Variants in PPP2R2C observed in about 807,000 individuals in gnomAD.
PPP2R2C encodes the protein protein phosphatase 2, regulatory subunit B, gamma.
A neutral mutation model predicts 45.3 loss-of-function variants in PPP2R2C; 10 were observed. The observed-to-expected ratio is 0.22, with a 90% CI of 0.14 to 0.37. PPP2R2C has a LOEUF of 0.37. Among genes scored for constraint, PPP2R2C ranks in the 10% least tolerant of loss-of-function variants. The probability of loss-of-function intolerance (pLI) is 1.00; values close to 1 mark genes in which losing one functional copy is unlikely to be tolerated. For missense variants in PPP2R2C, 308 were observed against 619.7 expected (o/e 0.50, Z 5.34); for synonymous variants, 257 against 245.4 (o/e 1.05, Z -0.44).
At chr4:6,503,575 C>G (rs1413799225) in intron 2 of PPP2R2C, among the ~76,000 whole-genome samples, 1 of 152,152 alleles carries the variant, frequency 6.6e-6, no homozygotes, top group East Asian at 1.9e-4. Context: ...TATTTACAGG[C>G]TCATGGGAGA....
intron 1 of PPP2R2C, among the ~76,000 whole-genome samples, chr4:6,388,992 G>T (rs919353123): frequency 6.6e-6 from 1 of 151,658 alleles, no homozygotes; most frequent in Non-Finnish European, 1.5e-5. Flanking sequence ...TCTTCTCCAC[G>T]TGCCACCTGG....
chr4:6,331,117 G>A lies in PPP2R2C; in HGVS notation c.961-1764C>T, dbSNP rs543006918. Among the ~76,000 whole-genome samples, 10 of 152,234 alleles carry A rather than the reference G, an allele frequency of 6.6e-5. No homozygotes were observed. The highest frequency in any genetic ancestry group is 6.2e-4 in the South Asian group (3 of 4,812). On this transcript the variant is annotated intron_variant, in intron 7 of 8. Coordinates refer to ENST00000382599, the MANE Select transcript of PPP2R2C (RefSeq NM_020416.4). This position sits in a 1 kb window ranked among gnomAD's most constrained non-coding sequence, Gnocchi z 5.9. ...GTTTTAGTGTTCGTGTCCCACCCCC[G>A]GCTCTGCATTTTTGTGTGTCCTCCT...
At chr4:6,493,752 T>C (rs949438086) in intron 2 of PPP2R2C, among the ~76,000 whole-genome samples, 1 of 152,036 alleles carries the variant, frequency 6.6e-6, no homozygotes, top group African/African-American at 2.4e-5. Context: ...TCCCAACAGT[T>C]CCCTGTCTTC....
chr4:6,326,011 T>C (rs1326798939), intron 8 of PPP2R2C, among the ~76,000 whole-genome samples: 1 of 152,228 alleles, frequency 6.6e-6, no homozygotes, highest in East Asian at 1.9e-4. Flanking sequence ...CTGCACTCCC[T>C]ATCCCTGTGA....
At position 6,563,570 on chromosome 4, in the gene PPP2R2C, T is replaced by C. The variant is rs1282809881; in HGVS notation, c.-69A>G. 6.6e-6 allele frequency: 1 copy of C among 150,818 alleles called. No individual in the cohort carries two copies. Among genetic ancestry groups the C allele is most frequent in the Non-Finnish European group, 1.5e-5 (1 of 67,558 alleles). 9.3% of individuals were successfully genotyped at this position (150,818 alleles called of 1,614,324 possible). A position where few individuals can be genotyped will look rare whatever the true frequency, so the allele number is the denominator to read the frequency against. On this transcript the variant is annotated 5_prime_UTR_variant, in exon 1 of 10. Transcript: ENST00000506140. This position sits in a 1 kb window ranked among gnomAD's most constrained non-coding sequence, Gnocchi z 5.8. ...GCAGCCCGCGCTTACCTTCGGAAAC[T>C]TCGAGGTCGGCGGCCCCATTGAGCT... is the stretch of plus-strand genomic sequence containing the variant.
At chr4:6,495,234 C>G (rs1448639904) in intron 2 of PPP2R2C, among the ~76,000 whole-genome samples, 2 of 152,228 alleles carry the variant, frequency 1.3e-5, no homozygotes, top group Non-Finnish European at 2.9e-5. Flanking sequence ...GTCTGCCACA[C>G]CTGGGTCCAC....
At chr4:6,379,422 C>G (rs1245586513) in intron 2 of PPP2R2C, among the ~76,000 whole-genome samples, 1 of 152,188 alleles carries the variant, frequency 6.6e-6, no homozygotes, top group Non-Finnish European at 1.5e-5. Flanking sequence ...TTTTAAGTAT[C>G]TATATTTCTA....
chr4:6,479,897 C>A (rs887954165), intron 2 of PPP2R2C, among the ~76,000 whole-genome samples: 2 of 151,924 alleles, frequency 1.3e-5, no homozygotes, highest in African/African-American at 4.8e-5. Context: ...TTTTTGTAGA[C>A]ACAGGGTCTC....
At chr4:6,427,016 C>T (rs192594936) in intron 1 of PPP2R2C, among the ~76,000 whole-genome samples, 17 of 152,314 alleles carry the variant, frequency 1.1e-4, no homozygotes, top group African/African-American at 3.6e-4. Context: ...CCACATACCA[C>T]GGAGGGCACA....
chr4:6,558,805 A>T (rs1386938666), intron 1 of PPP2R2C, among the ~76,000 whole-genome samples: 1 of 152,180 alleles, frequency 6.6e-6, no homozygotes, highest in East Asian at 1.9e-4. Context: ...AGACCCAGGA[A>T]AGGATTTCCA....
intron 5 of PPP2R2C, chr4:6,351,422 G>A: frequency 2.1e-6 from 2 of 954,982 alleles, no homozygotes; most frequent in African/African-American, 3.5e-5. Context: ...AGGGCCGGCT[G>A]AGGGGCACGG....
intron 1 of PPP2R2C, among the ~76,000 whole-genome samples, chr4:6,386,038 C>T (rs909813510): frequency 5.9e-5 from 9 of 152,210 alleles, no homozygotes; most frequent in African/African-American, 1.7e-4. Flanking sequence ...CCAGGCCCTG[C>T]TCTAAATGCT....
rs188690316 is a variant in PPP2R2C at position 6,423,484 on chromosome 4, A to G, written c.71-42390T>C. On this transcript the variant is annotated intron_variant, in intron 1 of 8. Transcript: ENST00000382599. ...CTCCCAAAGTGCTGGGATTATAGGC[A>G]TTAGCCACCACACCCGGCCCCCACT... 4.1e-3 allele frequency among the ~76,000 whole-genome samples: 626 copies of G among 152,334 alleles called. 5 individuals are homozygous for G. Among genetic ancestry groups the G allele is most frequent in the African/African-American group, 0.014 (583 of 41,570 alleles).
At chr4:6,441,337 C>T (rs1019048851) in intron 1 of PPP2R2C, among the ~76,000 whole-genome samples, 3 of 152,146 alleles carry the variant, frequency 2.0e-5, no homozygotes, top group Non-Finnish European at 2.9e-5. Context: ...ACTCTGGTCC[C>T]TCACTCCATG....
At position 6,563,289 on chromosome 4, in the gene PPP2R2C, AC is replaced by A. The variant is rs1181638580; in HGVS notation, c.-59+270del. On this transcript the variant is annotated intron_variant, in intron 1 of 9. Transcript: ENST00000506140. The surrounding 1 kb of genome is among the most constrained non-coding windows in gnomAD (Gnocchi z 5.8). ...GCCGGTTCTGTCGGGTTCCCTCAAG[AC>A]CCCGAGAGCACGCGCTCCGGAGGGA... is the stretch of plus-strand genomic sequence containing the variant. 7.9e-5 allele frequency among the ~76,000 whole-genome samples: 12 copies of A among 151,614 alleles called. No homozygotes were observed. The highest frequency in any genetic ancestry group is 1.5e-4 in the Non-Finnish European group (10 of 67,844).
At chr4:6,494,555 A>G (rs1384001538) in intron 2 of PPP2R2C, among the ~76,000 whole-genome samples, 1 of 152,220 alleles carries the variant, frequency 6.6e-6, no homozygotes, top group African/African-American at 2.4e-5. Context: ...CCAGATGCCC[A>G]GAATACAAGA....
chr4:6,511,777 GTAA>G (rs1397172529), intron 2 of PPP2R2C, among the ~76,000 whole-genome samples: 2 of 43,782 alleles, frequency 4.6e-5, no homozygotes, highest in African/African-American at 8.0e-5. Flanking sequence ...GGTGATGGTG[GTAA>G]TGGTGGTGGT....
intron 1 of PPP2R2C, among the ~76,000 whole-genome samples, chr4:6,544,863 A>C (rs976396850): frequency 6.6e-6 from 1 of 152,222 alleles, no homozygotes; most frequent in Non-Finnish European, 1.5e-5. Flanking sequence ...TGTCCCTGTC[A>C]CTGCACAGTG....
intron 1 of PPP2R2C, chr4:6,382,822 C>G: frequency 9.5e-7 from 1 of 1,052,938 alleles, no homozygotes; most frequent in Non-Finnish European, 1.2e-6. Context: ...CTGGCTATGA[C>G]GTAGCCTCAA....
Sources: allele counts gnomAD v4.1 joint callset (sites outside exome capture counted in the v4.1 genomes callset), GRCh38; gene constraint gnomAD v4.1.1; non-coding constraint Gnocchi (gnomAD v3.1); transcripts MANE v1.5; gene names NCBI Gene and HGNC (gene_info 2026-07-23, HGNC 2026-07-21).